The following KCNJ6 variants were observed in gnomAD, a reference collection of about 807,000 sequenced individuals.
KCNJ6 encodes the protein G protein-activated inward rectifier potassium channel 2.
A neutral mutation model predicts 34.2 loss-of-function variants in KCNJ6; 9 were observed. The observed-to-expected ratio is 0.26, with a 90% confidence interval of 0.16 to 0.46. KCNJ6 has a LOEUF of 0.46. KCNJ6 is among the 20% of genes least tolerant of loss of function. The pLI, the probability that KCNJ6 is intolerant of heterozygous loss-of-function variation, is 1.00. For missense variants in KCNJ6, 236 were observed against 531.3 expected (o/e 0.44, Z 5.46); for synonymous variants, 196 against 207.1 (o/e 0.95, Z 0.46).
At chr21:37,651,933 C>T (rs2054435629) in intron 3 of KCNJ6, among the ~76,000 whole-genome samples, 1 of 152,196 alleles carries the variant, frequency 6.6e-6, no homozygotes. Flanking sequence ...ACCTTACTGA[C>T]CCACTGATTT....
intron 2 of KCNJ6, among the ~76,000 whole-genome samples, chr21:37,835,661 C>A (rs2055448085): frequency 6.6e-6 from 1 of 152,212 alleles, no homozygotes. Flanking sequence ...GGCTGTGTCA[C>A]CTCTGATGAT....
intron 2 of KCNJ6, among the ~76,000 whole-genome samples, chr21:37,824,945 C>T (rs187785017): frequency 2.6e-5 from 4 of 151,784 alleles, no homozygotes; most frequent in East Asian, 1.9e-4. Flanking sequence ...GGCTGCTGAC[C>T]GTCCTTGGCT....
intron 1 of KCNJ6, among the ~76,000 whole-genome samples, chr21:37,843,754 T>C (rs978907359): frequency 4.6e-5 from 7 of 152,146 alleles, no homozygotes; most frequent in African/African-American, 1.2e-4. Context: ...AAGAGTGTGA[T>C]GTGCCAGGAA....
At chr21:37,737,463 G>T (rs781207556) in intron 2 of KCNJ6, among the ~76,000 whole-genome samples, 1 of 94,110 alleles carries the variant, frequency 1.1e-5, no homozygotes, top group African/African-American at 5.2e-5. Context: ...CTCTGTTGGC[G>T]TTTGTTTGTT....
chr21:37,835,524 GA>G (rs1310029773), intron 2 of KCNJ6, among the ~76,000 whole-genome samples: 4 of 152,160 alleles, frequency 2.6e-5, no homozygotes, highest in Non-Finnish European at 5.9e-5. Context: ...ATTACCTTTG[GA>G]AATTTATGTA....
At position 37,622,068 on chromosome 21, in the gene KCNJ6, G is replaced by C. The variant is rs2054291564; in HGVS notation, c.*3091C>G. 1 of 152,210 alleles carries C rather than the reference G, an allele frequency of 6.6e-6. No homozygotes were observed. The highest frequency in any genetic ancestry group is 2.1e-4 in the South Asian group (1 of 4,828). 9.4% of individuals were successfully genotyped at this position (152,210 alleles called of 1,614,324 possible). ...GCTGAACCTGCCCTTCCATCCAGGAGCACTTTGTTCTGTCAAATTGGGGTC... is the reference window on the plus strand; with the variant it reads ...GCTGAACCTGCCCTTCCATCCAGGACCACTTTGTTCTGTCAAATTGGGGTC... On this transcript the variant is annotated 3_prime_UTR_variant, in exon 4 of 4. Coordinates refer to ENST00000609713, the MANE Select transcript of KCNJ6 (RefSeq NM_002240.5).
intron 2 of KCNJ6, among the ~76,000 whole-genome samples, chr21:37,726,230 A>C (rs2054853859): frequency 6.6e-6 from 1 of 151,926 alleles, no homozygotes; most frequent in South Asian, 2.1e-4. Context: ...AATCTCATCC[A>C]TTACCTCCCA....
At position 37,914,008 on chromosome 21, in the gene KCNJ6, G is replaced by GGGGTGTGTGT. The variant is rs760597650; in HGVS notation, c.-28+1875_-28+1876insACACACACCC. ...GCAACCCTCGTCAGAGGCGGATCGGGGTGTGTGTGTGTGTGTGTGTGTGTG... is the reference window on the plus strand; with the variant it reads ...GCAACCCTCGTCAGAGGCGGATCGGGGGGTGTGTGTGTGTGTGTGTGTGTGTGTGTGTGTG... On this transcript the variant is annotated intron_variant, in intron 1 of 3. Transcript: ENST00000609713. 1.8e-3 allele frequency among the ~76,000 whole-genome samples: 247 copies of GGGGTGTGTGT among 135,584 alleles called. 2 individuals carry two copies. In the East Asian group the frequency reaches 0.022, roughly 12 times the overall value. 88.9% of individuals were successfully genotyped at this position (135,584 alleles called of 152,430 possible). A position where few individuals can be genotyped will look rare whatever the true frequency, so the allele number is the denominator to read the frequency against.
chr21:37,886,938 T>G (rs1200535903), intron 1 of KCNJ6, among the ~76,000 whole-genome samples: 2 of 151,848 alleles, frequency 1.3e-5, no homozygotes, highest in African/African-American at 2.4e-5. Flanking sequence ...CCTTGTTTTT[T>G]TTTTTTTTTT....
chr21:37,890,129 T>C (rs1400481667), intron 1 of KCNJ6, among the ~76,000 whole-genome samples: 2 of 152,214 alleles, frequency 1.3e-5, no homozygotes, highest in Non-Finnish European at 2.9e-5. Context: ...AGAGCTTTAA[T>C]TGACTCACAG....
At chr21:37,891,226 C>T (rs186270606) in intron 1 of KCNJ6, among the ~76,000 whole-genome samples, 1 of 151,800 alleles carries the variant, frequency 6.6e-6, no homozygotes, top group East Asian at 2.0e-4. Context: ...TTTGCAAAGG[C>T]AGGTTAGGGG....
At chr21:37,789,366 A>T (rs1254983579) in intron 2 of KCNJ6, among the ~76,000 whole-genome samples, 1 of 152,190 alleles carries the variant, frequency 6.6e-6, no homozygotes, top group African/African-American at 2.4e-5. Flanking sequence ...TGGTGGCCTT[A>T]TAAGAAGTAG....
At chr21:37,909,369 C>CT (rs763546640) in intron 1 of KCNJ6, among the ~76,000 whole-genome samples, 9,856 of 143,154 alleles carry the variant, frequency 0.069, 394 homozygotes, top group Non-Finnish European at 0.09. Flanking sequence ...GCACAAAGAA[C>CT]TTTTTTTTTT....
chr21:37,824,244 G>A (rs187315540), intron 2 of KCNJ6, among the ~76,000 whole-genome samples: 315 of 152,166 alleles, frequency 2.1e-3, no homozygotes, highest in Non-Finnish European at 3.1e-3. Context: ...AATTCCTATA[G>A]GCCAAGTCCT....
At chr21:37,664,537 TATC>T (rs1352514804) in intron 3 of KCNJ6, among the ~76,000 whole-genome samples, 2 of 152,012 alleles carry the variant, frequency 1.3e-5, no homozygotes, top group Non-Finnish European at 2.9e-5. Context: ...TTTTAAGAAA[TATC>T]ATGAATTCAT....
At chr21:37,894,066 T>A (rs933894277) in intron 1 of KCNJ6, among the ~76,000 whole-genome samples, 2 of 152,262 alleles carry the variant, frequency 1.3e-5, no homozygotes, top group African/African-American at 4.8e-5. Flanking sequence ...GGAAGCCTTA[T>A]AATTCTTGCT....
At chr21:37,727,955 G>C (rs751679703) in intron 2 of KCNJ6, among the ~76,000 whole-genome samples, 11 of 152,180 alleles carry the variant, frequency 7.2e-5, no homozygotes, top group Non-Finnish European at 1.5e-4. Flanking sequence ...AAAGCCTTCT[G>C]CATCTTGACT....
At chr21:37,661,581 T>A (rs1285433999) in intron 3 of KCNJ6, among the ~76,000 whole-genome samples, 1 of 145,854 alleles carries the variant, frequency 6.9e-6, no homozygotes, top group Non-Finnish European at 1.5e-5. Context: ...TGTAAAAAAA[T>A]TAGAAGCTCC....
intron 1 of KCNJ6, among the ~76,000 whole-genome samples, chr21:37,881,564 G>A (rs1420439311): frequency 6.6e-6 from 1 of 152,042 alleles, no homozygotes; most frequent in African/African-American, 2.4e-5. Flanking sequence ...TGCTCATGCT[G>A]GAGTTCAGTG....
Sources: gnomAD v4.1 joint callset for allele counts (sites outside exome capture counted in the v4.1 genomes callset) on GRCh38, gnomAD v4.1.1 for gene constraint, MANE v1.5 for transcripts, NCBI Gene and HGNC (gene_info 2026-07-23, HGNC 2026-07-21) for gene names.